GRM8: variants seen among roughly 807,000 people sequenced by gnomAD.
GRM8 encodes glutamate metabotropic receptor 8, also known as metabotropic glutamate receptor 8.
Under a neutral mutation model 87.2 loss-of-function variants are expected in GRM8, and 47 were observed. That is an observed-to-expected ratio of 0.54 (90% CI 0.43 to 0.69). The LOEUF is 0.69. Ranked by LOEUF, GRM8 falls within the 30% of genes least tolerant of loss-of-function variation. The probability of loss-of-function intolerance (pLI) is 0.00; values close to 1 mark genes in which losing one functional copy is unlikely to be tolerated. For synonymous variants in GRM8, 396 were observed against 404.5 expected (o/e 0.98, Z 0.25); for missense variants, 1,019 against 1,139.2 (o/e 0.89, Z 1.52).
chr7:126,947,570 A>G (rs1357783368), intron 3 of GRM8, among the ~76,000 whole-genome samples: 3 of 151,866 alleles, frequency 2.0e-5, no homozygotes, highest in Non-Finnish European at 2.9e-5. Context: ...ATATATATGT[A>G]TGTGTATATA....
At chr7:127,214,656 T>C (rs1796416819) in intron 2 of GRM8, among the ~76,000 whole-genome samples, 1 of 152,006 alleles carries the variant, frequency 6.6e-6, no homozygotes, top group Non-Finnish European at 1.5e-5. Context: ...ACATCAGATC[T>C]CATGAGATCT....
intron 9 of GRM8, among the ~76,000 whole-genome samples, chr7:126,477,087 G>T (rs1806003863): frequency 6.6e-6 from 1 of 152,030 alleles, no homozygotes; most frequent in South Asian, 2.1e-4. Flanking sequence ...CTAACATATG[G>T]TACAACATGG....
intron 8 of GRM8, among the ~76,000 whole-genome samples, chr7:126,580,801 C>A (rs564940284): frequency 6.6e-6 from 1 of 152,140 alleles, no homozygotes; most frequent in South Asian, 2.1e-4. Flanking sequence ...TGGAAGCCAA[C>A]ATTTCTCAAA....
chr7:126,537,796 AAAC>A (rs1816005868), intron 8 of GRM8, among the ~76,000 whole-genome samples: 4 of 151,496 alleles, frequency 2.6e-5, no homozygotes, highest in Non-Finnish European at 5.9e-5. Flanking sequence ...ACAAACAAAC[AAAC>A]AAAAAAAACA....
intron 6 of GRM8, among the ~76,000 whole-genome samples, chr7:126,891,431 T>C (rs940299979): frequency 9.9e-5 from 15 of 151,766 alleles, no homozygotes; most frequent in African/African-American, 3.4e-4. Flanking sequence ...GCTTAAAACC[T>C]TCTGGTGCCC....
chr7:127,243,279 C>G lies in GRM8; in HGVS notation c.-75G>C. 1 of 1,344,734 alleles carries G rather than the reference C, an allele frequency of 7.4e-7. No homozygotes were observed. 83.3% of individuals were successfully genotyped at this position (1,344,734 alleles called of 1,614,324 possible). On this transcript the variant is annotated 5_prime_UTR_variant, in exon 2 of 11. Coordinates refer to ENST00000339582, the MANE Select transcript of GRM8 (RefSeq NM_000845.3). ...ACAGAAGAAAGGGCACCACCTGAGG[C>G]TGCACCTTCTGGAGGCTACCATCAG...
intron 6 of GRM8, among the ~76,000 whole-genome samples, chr7:126,874,616 T>C (rs1254608661): frequency 6.6e-6 from 1 of 152,068 alleles, no homozygotes; most frequent in East Asian, 1.9e-4. Flanking sequence ...CATATTACAA[T>C]TGAGGAAAGG....
At chr7:126,918,190 C>T (rs568728124) in intron 3 of GRM8, among the ~76,000 whole-genome samples, 3 of 152,116 alleles carry the variant, frequency 2.0e-5, no homozygotes, top group Non-Finnish European at 2.9e-5. Flanking sequence ...CTTGGAATTA[C>T]GTAGCCAGAG....
intron 3 of GRM8, among the ~76,000 whole-genome samples, chr7:127,025,479 G>A (rs973429403): frequency 4.6e-5 from 7 of 152,028 alleles, no homozygotes; most frequent in Non-Finnish European, 4.4e-5. Flanking sequence ...TTTTAGCTCC[G>A]CTATGTGCTA....
chr7:126,709,032 T>C (rs981734248), intron 7 of GRM8, among the ~76,000 whole-genome samples: 9 of 152,154 alleles, frequency 5.9e-5, no homozygotes, highest in Non-Finnish European at 8.8e-5. Context: ...AACCATTCCA[T>C]GATGTATGTG....
chr7:127,128,296 G>A (rs1827484228), intron 2 of GRM8, among the ~76,000 whole-genome samples: 1 of 152,108 alleles, frequency 6.6e-6, no homozygotes, highest in South Asian at 2.1e-4. Flanking sequence ...GTTTGAGGAT[G>A]ACACCAAGCA....
chr7:126,462,385 C>A (rs1342164515), intron 9 of GRM8, among the ~76,000 whole-genome samples: 10 of 151,288 alleles, frequency 6.6e-5, no homozygotes, highest in Non-Finnish European at 1.5e-4. Flanking sequence ...GGTAATTACC[C>A]ACATCACAAT....
At chr7:127,251,905 C>T (rs561488453) in intron 1 of GRM8, among the ~76,000 whole-genome samples, 3 of 152,340 alleles carry the variant, frequency 2.0e-5, no homozygotes, top group East Asian at 3.9e-4. Context: ...CCAAGCTCGC[C>T]GTGCTAACTC....
chr7:127,159,684 G>A (rs1410141920), intron 2 of GRM8, among the ~76,000 whole-genome samples: 2 of 152,080 alleles, frequency 1.3e-5, no homozygotes, highest in Non-Finnish European at 2.9e-5. Context: ...CAGTCATTTT[G>A]CCACAGGCTT....
At chr7:126,999,228 C>A (rs188093365) in intron 3 of GRM8, among the ~76,000 whole-genome samples, 2 of 151,900 alleles carry the variant, frequency 1.3e-5, no homozygotes, top group African/African-American at 4.8e-5. Flanking sequence ...TTGCTATATG[C>A]AAAAATCAAA....
In GRM8 at chr7:126,830,062, C is replaced by G. The variant is rs572198124; in HGVS notation, c.1157-59997G>C. Among the ~76,000 whole-genome samples the G allele has an allele frequency of 3.0e-3, 452 of 152,202 alleles. 3 individuals are homozygous for G. The highest frequency in any genetic ancestry group is 4.1e-3 in the Non-Finnish European group (278 of 68,008). On this transcript the variant is annotated intron_variant, in intron 6 of 10. Coordinates refer to ENST00000339582, the MANE Select transcript of GRM8 (RefSeq NM_000845.3). ...CTCTTCTGGCTTGTAGAGTTTCTGC[C>G]GAGAGATCAGCTGTTAGTCTGATGG...
intron 3 of GRM8, among the ~76,000 whole-genome samples, chr7:126,968,514 A>T (rs1810096346): frequency 6.6e-6 from 1 of 152,194 alleles, no homozygotes; most frequent in Non-Finnish European, 1.5e-5. Flanking sequence ...TAAATGGTTA[A>T]GCTTTAGTAT....
chr7:127,211,674 T>C (rs1373288241), intron 2 of GRM8, among the ~76,000 whole-genome samples: 1 of 152,156 alleles, frequency 6.6e-6, no homozygotes, highest in African/African-American at 2.4e-5. Context: ...CCCTTTTAAA[T>C]GGGTTGAGGG....
chr7:126,832,180 A>T (rs540811100), intron 6 of GRM8, among the ~76,000 whole-genome samples: 1 of 151,772 alleles, frequency 6.6e-6, no homozygotes, highest in Non-Finnish European at 1.5e-5. Context: ...CCAAAAAAAA[A>T]AAAAAGAAAA....
Sources: gnomAD v4.1 joint callset for allele counts (sites outside exome capture counted in the v4.1 genomes callset) on GRCh38, gnomAD v4.1.1 for gene constraint, MANE v1.5 for transcripts, NCBI Gene and HGNC (gene_info 2026-07-23, HGNC 2026-07-21) for gene names.